Variants in RFC3 observed in about 807,000 individuals in gnomAD.
RFC3 encodes the protein A1 38 kDa subunit.
A neutral mutation model predicts 45.1 loss-of-function variants in RFC3; 41 were observed. The ratio of observed to expected loss-of-function variants is 0.91; its 90% CI spans 0.71 to 1.18. The LOEUF (loss-of-function observed/expected upper bound fraction) is 1.18. RFC3 is among the 50% of genes most tolerant of loss of function. The probability of loss-of-function intolerance (pLI) is 0.00; values close to 1 mark genes in which losing one functional copy is unlikely to be tolerated. For missense variants in RFC3, 423 were observed against 428.1 expected, an observed-to-expected ratio of 0.99 and a Z score of 0.10; for synonymous variants, 149 against 144.0, an observed-to-expected ratio of 1.03 and a Z score of -0.25.
chr13:33,928,550 A>T (rs1238596085), intron 8 of RFC3, among the ~76,000 whole-genome samples: 2 of 152,068 alleles, frequency 1.3e-5, no homozygotes, highest in African/African-American at 4.8e-5. Context: ...GCTGCTTGTT[A>T]AATTAAAGGT....
chr13:33,968,044 G>A (rs760446114), downstream of RFC3, among the ~76,000 whole-genome samples: 33 of 152,196 alleles, frequency 2.2e-4, no homozygotes, highest in Non-Finnish European at 4.4e-4. Flanking sequence ...CACCCATGAA[G>A]GGTTATCTTG....
At chr13:33,961,905 G>C (rs1313915499) in intron 8 of RFC3, among the ~76,000 whole-genome samples, 3 of 152,162 alleles carry the variant, frequency 2.0e-5, no homozygotes, top group Non-Finnish European at 1.5e-5. Context: ...ACAAATAAAG[G>C]CTATACCGTG....
intron 8 of RFC3, among the ~76,000 whole-genome samples, chr13:33,962,788 G>T (rs1427048544): frequency 6.6e-6 from 1 of 152,126 alleles, no homozygotes; most frequent in East Asian, 1.9e-4. Context: ...ACACAATGAA[G>T]CATTGAGGTT....
At chr13:33,939,059 T>A (rs1028392482) in intron 8 of RFC3, among the ~76,000 whole-genome samples, 1 of 152,166 alleles carries the variant, frequency 6.6e-6, no homozygotes, top group South Asian at 2.1e-4. Flanking sequence ...ATTCTGTAGA[T>A]CCTCAACATG....
intron 2 of RFC3, among the ~76,000 whole-genome samples, chr13:33,822,733 TAAAATG>T (rs1362112933): frequency 6.6e-6 from 1 of 152,110 alleles, no homozygotes; most frequent in African/African-American, 2.4e-5. Context: ...ATTAAAGACT[TAAAATG>T]AAACACTAAA....
chr13:33,899,613 T>G (rs1219746991), intron 8 of RFC3, among the ~76,000 whole-genome samples: 1 of 151,748 alleles, frequency 6.6e-6, no homozygotes, highest in African/African-American at 2.4e-5. Flanking sequence ...TCCTTTAAGA[T>G]CTGCAAAAAG....
chr13:33,873,162 A>G (rs5008744), intron 8 of RFC3, among the ~76,000 whole-genome samples: 134,438 of 152,242 alleles, frequency 0.88, 59,732 homozygotes, highest in Non-Finnish European at 0.94. Context: ...AGGCTTATAT[A>G]CAATGGGGTG....
chr13:33,819,256 GATAA>G (rs1319326045), intron 1 of RFC3, among the ~76,000 whole-genome samples: 2 of 152,160 alleles, frequency 1.3e-5, no homozygotes, highest in Non-Finnish European at 2.9e-5. Flanking sequence ...TGTTGTAGTT[GATAA>G]AAGTGCCCAA....
intron 8 of RFC3, among the ~76,000 whole-genome samples, chr13:33,934,237 G>A (rs1484959313): frequency 1.3e-5 from 2 of 152,080 alleles, no homozygotes; most frequent in African/African-American, 2.4e-5. Context: ...GGAGTCTGAG[G>A]TGGGAGGATG....
intron 8 of RFC3, among the ~76,000 whole-genome samples, chr13:33,875,201 A>G (rs1367420920): frequency 2.0e-5 from 3 of 152,218 alleles, no homozygotes; most frequent in African/African-American, 7.2e-5. Context: ...ATGGAGTCTC[A>G]TAGAGAAGGC....
chr13:33,843,982 A>G (rs975707738), intron 8 of RFC3, among the ~76,000 whole-genome samples: 6 of 152,210 alleles, frequency 3.9e-5, no homozygotes, highest in African/African-American at 1.4e-4. Flanking sequence ...GAAGCTGCCC[A>G]TCTTCCTTGT....
At chr13:33,957,750 G>A (rs115552856) in intron 8 of RFC3, among the ~76,000 whole-genome samples, 91 of 152,230 alleles carry the variant, frequency 6.0e-4, no homozygotes, top group African/African-American at 2.0e-3. Flanking sequence ...GTAGTCAAAC[G>A]TGAAGGTCTT....
rs1413882902 is a variant in RFC3, at chr13:33,921,008, G to A, written c.880-45079G>A. ...TTACCACGTGGCATTATAATTGTTT[G>A]CATATATTCATCCCCCATAGATTAA... On this transcript the variant is annotated intron_variant, in intron 8 of 8. Transcript: ENST00000434425. Among the ~76,000 whole-genome samples the A allele has an allele frequency of 2.6e-5, 4 of 152,058 alleles. No individual in the cohort carries two copies. The South Asian group carries it at 8.3e-4, about 32-fold the overall frequency.
chr13:33,938,732 C>T (rs2137795984), intron 8 of RFC3, among the ~76,000 whole-genome samples: 1 of 152,168 alleles, frequency 6.6e-6, no homozygotes, highest in East Asian at 1.9e-4. Flanking sequence ...CATTTTTGTA[C>T]ATATCCTTTG....
In RFC3 at chr13:33,903,716, C is replaced by A. The variant is rs115901037; in HGVS notation, c.880-62371C>A. ...TGCAGTTGTATTACTTTCCCTGGAG[C>A]CTTATTAGTTAGGTTTATTTCATTA... On this transcript the variant is annotated intron_variant, in intron 8 of 8. Coordinates refer to the RFC3 transcript ENST00000434425. Among the ~76,000 whole-genome samples the A allele has an allele frequency of 6.5e-3, 986 of 152,070 alleles. 9 individuals are homozygous for A. The highest frequency in any genetic ancestry group is 0.023 in the African/African-American group (937 of 41,504).
At chr13:33,876,540 T>A (rs570455686) in intron 8 of RFC3, among the ~76,000 whole-genome samples, 3 of 152,330 alleles carry the variant, frequency 2.0e-5, no homozygotes, top group African/African-American at 7.2e-5. Flanking sequence ...GTATATAAAT[T>A]CCCTTTTACT....
At chr13:33,887,411 T>G (rs964989795) in intron 8 of RFC3, among the ~76,000 whole-genome samples, 8 of 152,088 alleles carry the variant, frequency 5.3e-5, no homozygotes, top group African/African-American at 7.3e-5. Context: ...TTTCATGTGT[T>G]TTTTGGCTGC....
chr13:33,932,023 C>G (rs1371253335), intron 8 of RFC3, among the ~76,000 whole-genome samples: 1 of 151,956 alleles, frequency 6.6e-6, no homozygotes, highest in Non-Finnish European at 1.5e-5. Flanking sequence ...TTTATATTGC[C>G]TTTGTTGTGC....
At chr13:33,970,321 T>C (rs566832704), downstream of RFC3, among the ~76,000 whole-genome samples, 1 of 152,250 alleles carries the variant, frequency 6.6e-6, no homozygotes, top group Non-Finnish European at 1.5e-5. Flanking sequence ...ATATTTTCTT[T>C]ATCCAATCTA....
Sources: allele counts gnomAD v4.1 joint callset (sites outside exome capture counted in the v4.1 genomes callset), GRCh38; gene constraint gnomAD v4.1.1; transcripts MANE v1.5; gene names NCBI Gene and HGNC (gene_info 2026-07-23, HGNC 2026-07-21).